The following ASAP1 variants were observed in gnomAD, a reference collection of about 807,000 sequenced individuals.
The protein encoded by ASAP1 is ArfGAP with SH3 domain, ankyrin repeat and PH domain 1.
In ASAP1, 43 loss-of-function variants were observed where a neutral mutation model predicts 145.2. That is an observed-to-expected ratio of 0.30 (90% confidence interval 0.23 to 0.38). The LOEUF (loss-of-function observed/expected upper bound fraction) is 0.38, where lower values mean the gene tolerates loss of function less well. ASAP1 is among the 10% of genes least tolerant of loss of function. ASAP1 has a pLI of 1.00. For missense variants in ASAP1, 1,018 were observed against 1,355.3 expected (o/e 0.75, Z 3.91); for synonymous variants, 546 against 515.5 (o/e 1.06, Z -0.80).
chr8:130,166,807 C>T (rs550732051), intron 11 of ASAP1, among the ~76,000 whole-genome samples: 1 of 152,174 alleles, frequency 6.6e-6, no homozygotes, highest in Non-Finnish European at 1.5e-5. Context: ...TTTCAATATC[C>T]AAGGACCAAC....
intron 7 of ASAP1, among the ~76,000 whole-genome samples, chr8:130,184,275 G>A (rs1164293165): frequency 6.6e-6 from 1 of 152,168 alleles, no homozygotes; most frequent in Admixed American, 6.5e-5. Flanking sequence ...AAGTGATGGG[G>A]TGTCTATGCA....
At chr8:130,153,341 A>ATATG in intron 12 of ASAP1, among the ~76,000 whole-genome samples, 1 of 47,852 alleles carries the variant, frequency 2.1e-5, no homozygotes, top group African/African-American at 6.2e-5. Context: ...AAATATATAT[A>ATATG]TATATATATA....
intron 18 of ASAP1, among the ~76,000 whole-genome samples, chr8:130,120,978 CTT>C (rs1459341904): frequency 1.3e-5 from 2 of 152,210 alleles, no homozygotes; most frequent in African/African-American, 4.8e-5. Flanking sequence ...CCAGTCCTCT[CTT>C]TATCTGCTCC....
At chr8:130,199,110 G>C (rs1465671503) in intron 5 of ASAP1, among the ~76,000 whole-genome samples, 1 of 152,128 alleles carries the variant, frequency 6.6e-6, no homozygotes, top group East Asian at 1.9e-4. Flanking sequence ...CTAACCTCCT[G>C]TTACTCTGGA....
intron 29 of ASAP1, among the ~76,000 whole-genome samples, chr8:130,057,596 G>A (rs1034513752): frequency 5.9e-5 from 9 of 152,018 alleles, no homozygotes; most frequent in Admixed American, 1.3e-4. Flanking sequence ...CTACAGGTGC[G>A]TGCCACCATG....
chr8:130,137,836 C>T (rs529546869), intron 13 of ASAP1, among the ~76,000 whole-genome samples: 7 of 152,304 alleles, frequency 4.6e-5, no homozygotes, highest in African/African-American at 1.4e-4. Flanking sequence ...TCAAAACACT[C>T]TCCTGCCTGC....
intron 4 of ASAP1, among the ~76,000 whole-genome samples, chr8:130,229,322 T>C (rs1817770878): frequency 6.6e-6 from 1 of 152,250 alleles, no homozygotes; most frequent in Non-Finnish European, 1.5e-5. Flanking sequence ...GAGGTTGTCA[T>C]GGCATGGTTG....
At chr8:130,182,830 G>GCAAAAAAAAAAAAAAAAAAAAAAAAA (rs1814450506) in intron 7 of ASAP1, among the ~76,000 whole-genome samples, 1 of 43,024 alleles carries the variant, frequency 2.3e-5, no homozygotes, top group African/African-American at 7.5e-5. Context: ...CTATAAAAAG[G>GCAAAAAAAAAAAAAAAAAAAAAAAAA]CAAAAAAAAA....
chr8:130,363,600 A>G (rs960314924), intron 2 of ASAP1, among the ~76,000 whole-genome samples: 11 of 152,298 alleles, frequency 7.2e-5, no homozygotes, highest in African/African-American at 2.4e-4. Flanking sequence ...CAGGTACTGC[A>G]TTGGTGGTTA....
intron 1 of ASAP1, among the ~76,000 whole-genome samples, chr8:130,422,230 T>TGGAGGAAGG (rs1829748972): frequency 6.6e-6 from 1 of 151,134 alleles, no homozygotes; most frequent in Non-Finnish European, 1.5e-5. Flanking sequence ...CAGCTGCAGG[T>TGGAGGAAGG]GGAGGAAGGG....
chr8:130,206,047 A>G (rs947284132), intron 5 of ASAP1, among the ~76,000 whole-genome samples: 1 of 151,862 alleles, frequency 6.6e-6, no homozygotes, highest in East Asian at 1.9e-4. Flanking sequence ...TCAAATTTTT[A>G]TAATAAATAT....
chr8:130,098,438 G>A (rs1457395995), intron 24 of ASAP1, among the ~76,000 whole-genome samples: 2 of 152,140 alleles, frequency 1.3e-5, no homozygotes, highest in Non-Finnish European at 2.9e-5. Context: ...CCACCTCCCG[G>A]GTTCAAGCGA....
chr8:130,127,833 T>C (rs1043420139), intron 16 of ASAP1, 94 bp downstream of exon 16: 7 of 1,405,734 alleles, frequency 5.0e-6, no homozygotes, highest in African/African-American at 4.3e-5. Context: ...AGTGTGTCCA[T>C]AGGGGTTAAG....
At chr8:130,074,845 T>C (rs2097458730) in intron 27 of ASAP1, among the ~76,000 whole-genome samples, 1 of 152,026 alleles carries the variant, frequency 6.6e-6, no homozygotes, top group African/African-American at 2.4e-5. Flanking sequence ...TCAGCAGTCA[T>C]AGGGAGAGCC....
At chr8:130,372,264 T>C (rs748839313) in intron 2 of ASAP1, among the ~76,000 whole-genome samples, 14 of 152,218 alleles carry the variant, frequency 9.2e-5, no homozygotes, top group Non-Finnish European at 1.8e-4. Flanking sequence ...CTTGCACAAT[T>C]TGGCTAAGGG....
chr8:130,283,513 G>C (rs1821382166), intron 3 of ASAP1, among the ~76,000 whole-genome samples: 1 of 143,572 alleles, frequency 7.0e-6, no homozygotes. Context: ...CCAGGAGGCA[G>C]AGGCTGCAGT....
At chr8:130,322,520 A>G (rs1048356432) in intron 3 of ASAP1, among the ~76,000 whole-genome samples, 1 of 152,224 alleles carries the variant, frequency 6.6e-6, no homozygotes, top group Non-Finnish European at 1.5e-5. Flanking sequence ...GATGGCACAT[A>G]TATCTTAAGT....
intron 24 of ASAP1, among the ~76,000 whole-genome samples, chr8:130,111,472 C>T (rs1373975707): frequency 6.6e-6 from 1 of 152,112 alleles, no homozygotes; most frequent in South Asian, 2.1e-4. Context: ...AACTACAGGC[C>T]AATTACTCAG....
intron 27 of ASAP1, among the ~76,000 whole-genome samples, chr8:130,071,210 CA>C (rs1329864351): frequency 6.6e-6 from 1 of 152,178 alleles, no homozygotes; most frequent in Non-Finnish European, 1.5e-5. Flanking sequence ...CTCCTGACTT[CA>C]ATCCATCCTC....
Sources: allele counts gnomAD v4.1 joint callset (sites outside exome capture counted in the v4.1 genomes callset), GRCh38; gene constraint gnomAD v4.1.1; transcripts MANE v1.5; gene names NCBI Gene and HGNC (gene_info 2026-07-23, HGNC 2026-07-21).